Variants in PDSS2 observed in about 807,000 individuals in gnomAD.
PDSS2 encodes the protein decaprenyl diphosphate synthase subunit 2.
A neutral mutation model predicts 44.5 loss-of-function variants in PDSS2; 31 were observed. The ratio of observed to expected loss-of-function variants is 0.70; its 90% CI spans 0.52 to 0.94. The LOEUF is 0.94. Among genes scored for constraint, PDSS2 ranks in the 40% least tolerant of loss-of-function variants. The pLI is 0.00. For missense variants in PDSS2, 452 were observed against 482.2 expected (o/e 0.94, Z 0.59); for synonymous variants, 157 against 180.3 (o/e 0.87, Z 1.03).
intron 4 of PDSS2, among the ~76,000 whole-genome samples, chr6:107,243,061 A>G (rs1030931865): frequency 5.9e-5 from 9 of 152,214 alleles, no homozygotes; most frequent in Non-Finnish European, 1.0e-4. Flanking sequence ...TTCAAGTACA[A>G]TCAACAGCCC....
intron 1 of PDSS2, among the ~76,000 whole-genome samples, chr6:107,401,963 TG>T (rs1780118737): frequency 6.6e-6 from 1 of 151,972 alleles, no homozygotes; most frequent in African/African-American, 2.4e-5. Context: ...GCCAACATGG[TG>T]AAACCCTGTC....
At chr6:107,239,697 A>C (rs1437773905) in intron 4 of PDSS2, among the ~76,000 whole-genome samples, 1 of 123,660 alleles carries the variant, frequency 8.1e-6, no homozygotes, top group African/African-American at 3.2e-5. Flanking sequence ...GCTGGAGTGC[A>C]GTGGTATGAT....
In PDSS2 at chr6:107,405,675, G is replaced by A. The variant is rs1012030064; in HGVS notation, c.296+53315C>T. Among the ~76,000 whole-genome samples the A allele has an allele frequency of 3.9e-3, 599 of 151,754 alleles. 4 individuals carry two copies. The highest frequency in any genetic ancestry group is 0.014 in the African/African-American group (571 of 41,378). Reference sequence around the variant, plus strand: ...ATCCCGGCTAAAACGGTGAAACCCCGTCTCTACTAAAAATACAAAAAATTA... The same window carrying A: ...ATCCCGGCTAAAACGGTGAAACCCCATCTCTACTAAAAATACAAAAAATTA... On this transcript the variant is annotated intron_variant, in intron 1 of 7. Transcript: ENST00000369037.
chr6:107,288,753 GTTTTTTTTTTTTTTT>G (rs35762837), intron 2 of PDSS2, among the ~76,000 whole-genome samples: 1 of 72,742 alleles, frequency 1.4e-5, no homozygotes, highest in Admixed American at 1.8e-4. Flanking sequence ...GGACGAAATT[GTTTTTTTTTTTTTTT>G]TTTTTTTTTG....
intron 4 of PDSS2, among the ~76,000 whole-genome samples, chr6:107,243,697 G>C (rs143746514): frequency 6.6e-6 from 1 of 152,278 alleles, no homozygotes; most frequent in Non-Finnish European, 1.5e-5. Context: ...AGAAGATATG[G>C]GAGCGGGTAC....
intron 1 of PDSS2, among the ~76,000 whole-genome samples, chr6:107,341,025 C>T (rs1778062949): frequency 6.6e-6 from 1 of 152,144 alleles, no homozygotes; most frequent in Non-Finnish European, 1.5e-5. Flanking sequence ...GTAATTAGAG[C>T]TAAAGACTAA....
At chr6:107,225,568 C>G (rs1281609816) in intron 4 of PDSS2, among the ~76,000 whole-genome samples, 1 of 151,954 alleles carries the variant, frequency 6.6e-6, no homozygotes, top group Non-Finnish European at 1.5e-5. Flanking sequence ...ACAAGGCGTA[C>G]AAGGAGGTGG....
chr6:107,273,335 A>G (rs776210050), intron 3 of PDSS2, among the ~76,000 whole-genome samples: 1 of 152,166 alleles, frequency 6.6e-6, no homozygotes, highest in East Asian at 1.9e-4. Context: ...AAGGAAAAAA[A>G]AAACACTAAA....
chr6:107,207,756 C>T lies in PDSS2; in HGVS notation c.1008+2683G>A, dbSNP rs139364186. The stretch of plus-strand genomic sequence containing the variant: ...TCCTGAGTAGCTGGGATTACAGGCC[C>T]GGGCCACCATGCCTGGCTAACTTTT... On this transcript the variant is annotated intron_variant, in intron 6 of 7. Transcript: ENST00000369037. Among the ~76,000 whole-genome samples, 1,444 of 150,508 alleles carry T rather than the reference C, an allele frequency of 9.6e-3. 69 individuals carry two copies. Among genetic ancestry groups the T allele is most frequent in the Admixed American group, 0.085 (1,278 of 15,124 alleles).
At chr6:107,322,429 G>A (rs1041747431) in intron 2 of PDSS2, among the ~76,000 whole-genome samples, 11 of 152,304 alleles carry the variant, frequency 7.2e-5, no homozygotes, top group Non-Finnish European at 8.8e-5. Flanking sequence ...TGAGGCATGA[G>A]AATCACTTGA....
Position 107,447,495 on chromosome 6 carries a change from G to A in PDSS2, c.296+11495C>T, listed in dbSNP as rs114070723. On this transcript the variant is annotated intron_variant, in intron 1 of 7. Coordinates refer to ENST00000369037, the MANE Select transcript of PDSS2 (RefSeq NM_020381.4). Reference sequence around the variant, plus strand: ...ATCAAGTCCGGAATCCAACAGGGCAGTCATTAAACCTTAAAAGTTCCAAAA... The same window carrying A: ...ATCAAGTCCGGAATCCAACAGGGCAATCATTAAACCTTAAAAGTTCCAAAA... 2.3e-3 allele frequency among the ~76,000 whole-genome samples: 354 copies of A among 152,254 alleles called. 2 individuals carry two copies. Among genetic ancestry groups the A allele is most frequent in the African/African-American group, 8.0e-3 (331 of 41,546 alleles).
In PDSS2 at chr6:107,418,168, C is replaced by T. The variant is rs1487967017; in HGVS notation, c.296+40822G>A. Among the ~76,000 whole-genome samples the T allele has an allele frequency of 3.7e-4, 57 of 152,166 alleles. 1 individual carries two copies. The highest frequency in any genetic ancestry group is 3.7e-3 in the Admixed American group (56 of 15,270). ...GTTACTTTATGTGATAAGAGGAACT[C>T]TGCAGGTATGATTAAGTTAAAGATC... On this transcript the variant is annotated intron_variant, in intron 1 of 7. Transcript: ENST00000369037.
At chr6:107,181,539 A>AAAAAG (rs1237621216) in intron 7 of PDSS2, among the ~76,000 whole-genome samples, 1 of 144,874 alleles carries the variant, frequency 6.9e-6, no homozygotes, top group Non-Finnish European at 1.5e-5. Flanking sequence ...GTCTCAAAAA[A>AAAAAG]AAAAGAAAAG....
At chr6:107,333,597 C>G (rs909890664) in intron 2 of PDSS2, among the ~76,000 whole-genome samples, 2 of 152,072 alleles carry the variant, frequency 1.3e-5, no homozygotes, top group Admixed American at 6.6e-5. Context: ...GGCAGTGACA[C>G]GATTAGGGCT....
At chr6:107,188,603 T>G (rs935525184) in intron 7 of PDSS2, among the ~76,000 whole-genome samples, 1 of 152,120 alleles carries the variant, frequency 6.6e-6, no homozygotes, top group Admixed American at 6.5e-5. Context: ...AAATCTCATG[T>G]TGAAAAGTGG....
At chr6:107,377,195 A>T (rs971405668) in intron 1 of PDSS2, among the ~76,000 whole-genome samples, 2 of 150,634 alleles carry the variant, frequency 1.3e-5, no homozygotes, top group East Asian at 2.0e-4. Context: ...TTTACAAGAA[A>T]AAAACAAACA....
At chr6:107,411,552 A>T (rs79586226) in intron 1 of PDSS2, among the ~76,000 whole-genome samples, 1 of 152,156 alleles carries the variant, frequency 6.6e-6, no homozygotes, top group Non-Finnish European at 1.5e-5. Context: ...TTCTGCATCC[A>T]TGGATTCAAC....
chr6:107,179,988 A>G (rs918195341), intron 7 of PDSS2, among the ~76,000 whole-genome samples: 3 of 152,186 alleles, frequency 2.0e-5, no homozygotes, highest in African/African-American at 7.2e-5. Context: ...CTAGGTAACG[A>G]TATCTTCTAA....
chr6:107,175,214 GAA>G (rs35268855), intron 7 of PDSS2, among the ~76,000 whole-genome samples: 74 of 140,464 alleles, frequency 5.3e-4, no homozygotes, highest in African/African-American at 8.4e-4. Context: ...TCCATCTCAG[GAA>G]AAAAAAAAAA....
Sources: allele counts gnomAD v4.1 joint callset (sites outside exome capture counted in the v4.1 genomes callset), GRCh38; gene constraint gnomAD v4.1.1; transcripts MANE v1.5; gene names NCBI Gene and HGNC (gene_info 2026-07-23, HGNC 2026-07-21).